Variants in THUMPD2 observed in about 807,000 individuals in gnomAD.
THUMPD2 encodes U6 snRNA (guanine-N(2))-methyltransferase THUMPD2.
Under a neutral mutation model 49.4 loss-of-function variants are expected in THUMPD2, and 56 were observed. The ratio of observed to expected loss-of-function variants is 1.13; its 90% CI spans 0.91 to 1.41. The LOEUF (loss-of-function observed/expected upper bound fraction) is 1.41. Among genes scored for constraint, THUMPD2 ranks in the 40% most tolerant of loss-of-function variants. THUMPD2 has a pLI of 0.00. For missense variants in THUMPD2, 709 were observed against 594.5 expected (o/e 1.19, Z -2.00); for synonymous variants, 237 against 205.2 (o/e 1.15, Z -1.32).
At chr2:39,765,105 G>A (rs1258008156) in intron 5 of THUMPD2, among the ~76,000 whole-genome samples, 1 of 151,966 alleles carries the variant, frequency 6.6e-6, no homozygotes, top group Non-Finnish European at 1.5e-5. Flanking sequence ...TTATTTGGTG[G>A]TAAGAATCTA....
At chr2:39,775,394 G>A (rs1440718929) in intron 1 of THUMPD2, among the ~76,000 whole-genome samples, 2 of 152,146 alleles carry the variant, frequency 1.3e-5, no homozygotes, top group Non-Finnish European at 2.9e-5. Context: ...AAAGTGCTAC[G>A]TGATGGGTTA....
chr2:39,757,737 T>C (rs1421383893), intron 6 of THUMPD2, among the ~76,000 whole-genome samples: 2 of 152,236 alleles, frequency 1.3e-5, no homozygotes, highest in African/African-American at 4.8e-5. Flanking sequence ...TAGAACTTGA[T>C]TTTCCTTGTT....
chr2:39,764,852 G>C (rs986763407), intron 5 of THUMPD2, among the ~76,000 whole-genome samples: 9 of 152,074 alleles, frequency 5.9e-5, no homozygotes, highest in African/African-American at 2.2e-4. Flanking sequence ...TTTTCAACTA[G>C]TGCTCATTCA....
chr2:39,741,963 A>G (rs1673953186), intron 9 of THUMPD2, among the ~76,000 whole-genome samples: 1 of 152,162 alleles, frequency 6.6e-6, no homozygotes, highest in African/African-American at 2.4e-5. Flanking sequence ...GTGATAACAG[A>G]TACTGAGTAA....
intron 5 of THUMPD2, among the ~76,000 whole-genome samples, chr2:39,763,433 C>T (rs962683466): frequency 1.4e-4 from 21 of 152,232 alleles, no homozygotes; most frequent in African/African-American, 4.6e-4. Flanking sequence ...CTTCAGTCTA[C>T]ACTTGTCACC....
intron 8 of THUMPD2, among the ~76,000 whole-genome samples, chr2:39,749,540 G>C (rs1021799775): frequency 1.3e-5 from 2 of 152,198 alleles, no homozygotes; most frequent in Non-Finnish European, 2.9e-5. Context: ...ATTTTCTTCA[G>C]TTGCATGTGA....
intron 1 of THUMPD2, among the ~76,000 whole-genome samples, chr2:39,778,691 C>T (rs563429280): frequency 2.6e-5 from 4 of 152,338 alleles, no homozygotes; most frequent in African/African-American, 9.6e-5. Context: ...ATTTAATTCT[C>T]ACAACAATCC....
chr2:39,744,358 T>G lies in THUMPD2; in HGVS notation c.1187+12A>C, dbSNP rs911517483. On this transcript the variant is annotated intron_variant, in intron 9 of 9. Transcript: ENST00000505747. Reference sequence around the variant, plus strand: ...AGCTAAAAAAATTATGAAAATAAATTCAACAACTTACCTTTCCATTTCTTG... The same window carrying G: ...AGCTAAAAAAATTATGAAAATAAATGCAACAACTTACCTTTCCATTTCTTG... The G allele has an allele frequency of 6.7e-6, 10 of 1,501,480 alleles. No homozygotes were observed. The highest frequency in any genetic ancestry group is 1.4e-5 in the African/African-American group (1 of 69,478). 93.0% of individuals were successfully genotyped at this position (1,501,480 alleles called of 1,614,324 possible).
At chr2:39,768,927 T>C (rs1211478383) in intron 3 of THUMPD2, 5 of 1,302,946 alleles carry the variant, frequency 3.8e-6, no homozygotes, top group Admixed American at 2.3e-5. Flanking sequence ...GATTTTAAGG[T>C]TGATAAAGTA....
chr2:39,766,469 T>C (rs1451678854), intron 4 of THUMPD2, among the ~76,000 whole-genome samples: 2 of 152,134 alleles, frequency 1.3e-5, no homozygotes, highest in Non-Finnish European at 2.9e-5. Flanking sequence ...CATTTTAACC[T>C]CAAATAGGAT....
Position 39,746,111 on chromosome 2 carries a change from T to A in THUMPD2, c.1079-1633A>T, listed in dbSNP as rs149289318. Among the ~76,000 whole-genome samples, 14 of 152,344 alleles carry A rather than the reference T, an allele frequency of 9.2e-5. No homozygotes were observed. In the East Asian group the frequency reaches 2.5e-3, roughly 27 times the overall value. ...CATTCAGTAACCGTTAGCTGCTTTG[T>A]GGTCATTATTTATAATGTCCCTCTC... On this transcript the variant is annotated intron_variant, in intron 8 of 9. Transcript: ENST00000505747.
chr2:39,748,375 A>C (rs1379701773), intron 8 of THUMPD2, among the ~76,000 whole-genome samples: 1 of 152,176 alleles, frequency 6.6e-6, no homozygotes, highest in Non-Finnish European at 1.5e-5. Context: ...CATCTTCAAC[A>C]CAAATAGTTT....
intron 8 of THUMPD2, among the ~76,000 whole-genome samples, chr2:39,746,103 C>T (rs1323192884): frequency 6.6e-6 from 1 of 152,196 alleles, no homozygotes; most frequent in African/African-American, 2.4e-5. Flanking sequence ...TAACCGTTAG[C>T]TGCTTTGTGG....
chr2:39,756,869 TATA>T (rs1326738271), intron 6 of THUMPD2, among the ~76,000 whole-genome samples: 1 of 151,262 alleles, frequency 6.6e-6, no homozygotes, highest in African/African-American at 2.4e-5. Context: ...TTACTCTGAG[TATA>T]ATATTTCCAT....
chr2:39,778,500 A>G (rs989006988), intron 1 of THUMPD2, among the ~76,000 whole-genome samples: 2 of 152,322 alleles, frequency 1.3e-5, no homozygotes, highest in African/African-American at 4.8e-5. Flanking sequence ...CTTTTCTATT[A>G]TACCTTCATC....
At chr2:39,778,993 C>A in intron 1 of THUMPD2, 121 bp downstream of exon 1, 1 of 1,267,190 alleles carries the variant, frequency 7.9e-7, no homozygotes. Flanking sequence ...CGGGGGTCGG[C>A]GACCGTCGCG....
intron 8 of THUMPD2, among the ~76,000 whole-genome samples, chr2:39,749,288 C>T (rs1675063566): frequency 6.6e-6 from 1 of 152,144 alleles, no homozygotes; most frequent in Non-Finnish European, 1.5e-5. Flanking sequence ...AGAAACAAAG[C>T]TACTACTGGA....
At chr2:39,770,175 C>T (rs1678121197) in intron 2 of THUMPD2, 56 bp from the exon 3 acceptor site, 1 of 1,220,324 alleles carries the variant, frequency 8.2e-7, no homozygotes, top group Non-Finnish European at 1.1e-6. Flanking sequence ...CCATCTATTA[C>T]AATCATCACC....
At chr2:39,762,189 C>G (rs774190313) in intron 5 of THUMPD2, among the ~76,000 whole-genome samples, 4 of 152,114 alleles carry the variant, frequency 2.6e-5, no homozygotes, top group Non-Finnish European at 5.9e-5. Flanking sequence ...TGGTAAGGTA[C>G]GAAGACATGA....
Sources: gnomAD v4.1 joint callset for allele counts (sites outside exome capture counted in the v4.1 genomes callset) on GRCh38, gnomAD v4.1.1 for gene constraint, MANE v1.5 for transcripts, NCBI Gene and HGNC (gene_info 2026-07-23, HGNC 2026-07-21) for gene names.